Variants in BICRAL observed in about 807,000 individuals in gnomAD.
BICRAL encodes the protein BRD4-interacting chromatin-remodeling complex-associated protein-like.
BICRAL carries 8 observed loss-of-function variants against 91.8 expected under a neutral mutation model. That is an observed-to-expected ratio of 0.09 (90% CI 0.05 to 0.16). BICRAL has a LOEUF of 0.16. BICRAL is among the 10% of genes least tolerant of loss of function. The probability of loss-of-function intolerance (pLI) is 1.00; values close to 1 mark genes in which losing one functional copy is unlikely to be tolerated. For synonymous variants in BICRAL, 445 were observed against 491.1 expected, an observed-to-expected ratio of 0.91 and a Z score of 1.24; for missense variants, 1,038 against 1,310.9, an observed-to-expected ratio of 0.79 and a Z score of 3.21.
intron 1 of BICRAL, among the ~76,000 whole-genome samples, chr6:42,755,935 A>G (rs930719465): frequency 3.3e-5 from 5 of 151,516 alleles, no homozygotes; most frequent in South Asian, 2.1e-4. Flanking sequence ...CGGCCTCCCA[A>G]AGTGTTAGGA....
chr6:42,852,021 T>C, intron 6 of BICRAL, 71 bp from the exon 7 acceptor site: 1 of 916,560 alleles, frequency 1.1e-6, no homozygotes. Context: ...AGAGGCTTGG[T>C]TGGTATTTAA....
chr6:42,863,944 A>T (rs113820690), intron 12 of BICRAL, among the ~76,000 whole-genome samples: 56 of 152,216 alleles, frequency 3.7e-4, no homozygotes, highest in African/African-American at 1.3e-3. Flanking sequence ...TGGGCGGATC[A>T]TCTGAGGTCA....
At chr6:42,790,298 A>G (rs954890678) in intron 1 of BICRAL, among the ~76,000 whole-genome samples, 3 of 149,566 alleles carry the variant, frequency 2.0e-5, no homozygotes, top group Admixed American at 1.3e-4. Context: ...AGCTGGGACT[A>G]TAGAAATGCA....
At chr6:42,805,559 G>A (rs1433264304) in intron 1 of BICRAL, among the ~76,000 whole-genome samples, 3 of 152,086 alleles carry the variant, frequency 2.0e-5, no homozygotes, top group Non-Finnish European at 4.4e-5. Flanking sequence ...CATTAGAAAG[G>A]GTGCTAAGTT....
chr6:42,786,757 GC>G (rs1562460903), intron 1 of BICRAL, among the ~76,000 whole-genome samples: 3 of 152,182 alleles, frequency 2.0e-5, no homozygotes, highest in Non-Finnish European at 2.9e-5. Context: ...ATGAACTTGT[GC>G]TAGCCATGTG....
chr6:42,819,320 C>T (rs921530310), intron 2 of BICRAL, among the ~76,000 whole-genome samples: 1 of 152,148 alleles, frequency 6.6e-6, no homozygotes, highest in Admixed American at 6.5e-5. Context: ...GAATCTCTCT[C>T]TGTCACCCAG....
Position 42,782,622 on chromosome 6 carries a change from G to C in BICRAL, c.-102+521G>C, listed in dbSNP as rs1416205687. Among the ~76,000 whole-genome samples, 6 of 151,920 alleles carry C rather than the reference G, an allele frequency of 3.9e-5. No individual in the cohort carries two copies. The East Asian group carries it at 1.2e-3, about 30-fold the overall frequency. On this transcript the variant is annotated intron_variant, in intron 1 of 12. Transcript: ENST00000314073. ...GCGGGGAGAGGGAGAGCCCGGGAAG[G>C]GGGTGGCGTGGCGGTTGGTGGTGGG...
At chr6:42,849,686 A>G (rs1276905157) in intron 6 of BICRAL, among the ~76,000 whole-genome samples, 1 of 151,676 alleles carries the variant, frequency 6.6e-6, no homozygotes, top group African/African-American at 2.4e-5. Flanking sequence ...TGATCCGCCC[A>G]CCTCGGCCTC....
intron 8 of BICRAL, among the ~76,000 whole-genome samples, chr6:42,855,320 G>A (rs1765316186): frequency 6.6e-6 from 1 of 152,124 alleles, no homozygotes; most frequent in Non-Finnish European, 1.5e-5. Flanking sequence ...GCAGGCGGAT[G>A]GCTTGAGTCC....
In BICRAL at chr6:42,750,890, TTTTTTTTTTTTTTTTTTTA is replaced by T. The variant is rs1280506172; in HGVS notation, c.-261+3868_-261+3886del. The stretch of plus-strand genomic sequence containing the variant: ...ACCGCGCCCGGCCTTTTTTTTTTTT[TTTTTTTTTTTTTTTTTTTA>T]ATACTTTAAGTTCTGGGATGCATGT... On this transcript the variant is annotated intron_variant, in intron 1 of 14. Coordinates refer to the BICRAL transcript ENST00000614467. Among the ~76,000 whole-genome samples, 5 of 68,138 alleles carry T rather than the reference TTTTTTTTTTTTTTTTTTTA, an allele frequency of 7.3e-5. No individual in the cohort carries two copies. The East Asian group carries it at 1.3e-3, about 17-fold the overall frequency. The allele number at this position is 68,138 out of a possible 152,430, so 44.7% of individuals were successfully genotyped here. A position where few individuals can be genotyped will look rare whatever the true frequency, so the allele number is the denominator to read the frequency against.
chr6:42,789,071 A>G (rs1457851306), intron 1 of BICRAL, among the ~76,000 whole-genome samples: 1 of 152,134 alleles, frequency 6.6e-6, no homozygotes, highest in African/African-American at 2.4e-5. Context: ...ATGTTAGCTG[A>G]GTAGGAAAGC....
intron 1 of BICRAL, among the ~76,000 whole-genome samples, chr6:42,802,809 G>T (rs565296438): frequency 6.6e-6 from 1 of 152,044 alleles, no homozygotes; most frequent in Admixed American, 6.6e-5. Context: ...TTGAACTCAT[G>T]CACATAAACA....
chr6:42,787,663 A>G (rs567734363), intron 1 of BICRAL, among the ~76,000 whole-genome samples: 2 of 152,222 alleles, frequency 1.3e-5, no homozygotes, highest in Admixed American at 6.5e-5. Flanking sequence ...ACCTCTGTCA[A>G]ATGCTGCTGA....
intron 1 of BICRAL, among the ~76,000 whole-genome samples, chr6:42,770,149 C>G (rs1762696533): frequency 6.6e-6 from 1 of 152,156 alleles, no homozygotes; most frequent in African/African-American, 2.4e-5. Flanking sequence ...CTGCCTTTCC[C>G]CATGTGATTT....
intron 1 of BICRAL, among the ~76,000 whole-genome samples, chr6:42,768,399 C>T (rs1009035051): frequency 2.0e-5 from 3 of 152,224 alleles, no homozygotes; most frequent in Admixed American, 1.3e-4. Flanking sequence ...AGCAGTAATA[C>T]TAAAGCTTAA....
chr6:42,849,284 C>T (rs1225683623), intron 6 of BICRAL, among the ~76,000 whole-genome samples: 1 of 152,096 alleles, frequency 6.6e-6, no homozygotes, highest in African/African-American at 2.4e-5. Flanking sequence ...TGAGGTCTCC[C>T]TGTGTTGCCC....
chr6:42,826,700 C>T (rs1169262424), intron 5 of BICRAL, among the ~76,000 whole-genome samples: 2 of 152,094 alleles, frequency 1.3e-5, no homozygotes, highest in Non-Finnish European at 1.5e-5. Flanking sequence ...GTTGTACTGC[C>T]CAAGGTTGAC....
chr6:42,833,654 G>A (rs1229021828), intron 6 of BICRAL, among the ~76,000 whole-genome samples: 1 of 151,580 alleles, frequency 6.6e-6, no homozygotes, highest in African/African-American at 2.4e-5. Flanking sequence ...CTCCGTGTTG[G>A]CCAGGCTGGT....
intron 2 of BICRAL, among the ~76,000 whole-genome samples, chr6:42,811,788 C>A (rs1235855344): frequency 6.6e-6 from 1 of 152,134 alleles, no homozygotes; most frequent in Non-Finnish European, 1.5e-5. Flanking sequence ...AGAAACACTA[C>A]TTGGAGCTCA....
Sources: gnomAD v4.1 joint callset for allele counts (sites outside exome capture counted in the v4.1 genomes callset) on GRCh38, gnomAD v4.1.1 for gene constraint, MANE v1.5 for transcripts, NCBI Gene and HGNC (gene_info 2026-07-23, HGNC 2026-07-21) for gene names.